UBE2R2: variants seen among roughly 807,000 people sequenced by gnomAD.
UBE2R2 encodes the protein ubiquitin conjugating enzyme E2 R2.
UBE2R2 carries 1 observed loss-of-function variant against 27.8 expected under a neutral mutation model. The observed-to-expected ratio is 0.04, with a 90% confidence interval of 0.01 to 0.17. The LOEUF is 0.17. Ranked by LOEUF, UBE2R2 falls within the 10% of genes least tolerant of loss-of-function variation. The probability of loss-of-function intolerance (pLI) is 1.00; values close to 1 mark genes in which losing one functional copy is unlikely to be tolerated. For missense variants in UBE2R2, 100 were observed against 291.0 expected (o/e 0.34, Z 4.78); for synonymous variants, 106 against 113.3 (o/e 0.94, Z 0.41).
At chr9:33,891,464 A>G (rs1431790197) in intron 2 of UBE2R2, among the ~76,000 whole-genome samples, 5 of 152,064 alleles carry the variant, frequency 3.3e-5, no homozygotes, top group Middle Eastern at 3.4e-3. Context: ...TGGCCAACTC[A>G]GTGAAATCCC....
At chr9:33,910,828 T>A (rs1196167330) in intron 3 of UBE2R2, among the ~76,000 whole-genome samples, 4 of 152,134 alleles carry the variant, frequency 2.6e-5, no homozygotes, top group Admixed American at 6.5e-5. Flanking sequence ...TAGGGCCAGG[T>A]GCGGTGGCTC....
Position 33,894,744 on chromosome 9 carries a change from A to T in UBE2R2, c.265-5430A>T, listed in dbSNP as rs190766681. Among the ~76,000 whole-genome samples the T allele has an allele frequency of 1.3e-3, 205 of 152,348 alleles. 1 individual carries two copies. The highest frequency in any genetic ancestry group is 0.013 in the East Asian group (69 of 5,192). ...ACTCCATCACTATAAAAAAAATTTTAAAATTGTCCAGGTTTGCTGGCTGTT... is the reference window on the plus strand; with the variant it reads ...ACTCCATCACTATAAAAAAAATTTTTAAATTGTCCAGGTTTGCTGGCTGTT... On this transcript the variant is annotated intron_variant, in intron 2 of 4. Coordinates refer to ENST00000263228, the MANE Select transcript of UBE2R2 (RefSeq NM_017811.4).
At chr9:33,852,049 G>A (rs1043274944) in intron 1 of UBE2R2, among the ~76,000 whole-genome samples, 9 of 152,026 alleles carry the variant, frequency 5.9e-5, no homozygotes, top group Non-Finnish European at 1.2e-4. Context: ...CAGTGGCTCA[G>A]GCCTGTAATC....
At chr9:33,869,798 A>G (rs938301122) in intron 1 of UBE2R2, among the ~76,000 whole-genome samples, 3 of 151,758 alleles carry the variant, frequency 2.0e-5, no homozygotes, top group East Asian at 3.9e-4. Context: ...TTTAGGGTAC[A>G]TCTTTGCCTA....
At chr9:33,819,446 C>T (rs576279400) in intron 1 of UBE2R2, among the ~76,000 whole-genome samples, 1 of 152,280 alleles carries the variant, frequency 6.6e-6, no homozygotes, top group Admixed American at 6.5e-5. Flanking sequence ...TGTTAGGCTT[C>T]ATCTTTTGTG....
intron 1 of UBE2R2, among the ~76,000 whole-genome samples, chr9:33,854,322 A>ATT (rs536826500): frequency 7.0e-6 from 1 of 143,756 alleles, no homozygotes; most frequent in African/African-American, 2.5e-5. Context: ...ATTGTTGAGA[A>ATT]TTTTTTTTTT....
At chr9:33,820,243 A>G (rs1825955625) in intron 1 of UBE2R2, among the ~76,000 whole-genome samples, 1 of 152,242 alleles carries the variant, frequency 6.6e-6, no homozygotes, top group Non-Finnish European at 1.5e-5. Context: ...CCTTGTGTTA[A>G]TACACTGATT....
chr9:33,852,979 G>C (rs2130755689), intron 1 of UBE2R2, among the ~76,000 whole-genome samples: 1 of 152,188 alleles, frequency 6.6e-6, no homozygotes, highest in East Asian at 1.9e-4. Context: ...CTGCACTCCA[G>C]CCTAGGCAAC....
At chr9:33,851,337 C>T (rs979149330) in intron 1 of UBE2R2, among the ~76,000 whole-genome samples, 1 of 152,132 alleles carries the variant, frequency 6.6e-6, no homozygotes. Flanking sequence ...TTATTATCAA[C>T]AATTATGAAG....
intron 1 of UBE2R2, among the ~76,000 whole-genome samples, chr9:33,838,513 T>C (rs1449116525): frequency 6.6e-6 from 1 of 152,202 alleles, no homozygotes; most frequent in East Asian, 1.9e-4. Context: ...TTAATAGTTT[T>C]TTTTTAAATT....
rs200206743 is a variant in UBE2R2 at position 33,818,948 on chromosome 9, A to AT, written c.177+1023dup. On this transcript the variant is annotated intron_variant, in intron 1 of 4. Coordinates refer to ENST00000263228, the MANE Select transcript of UBE2R2 (RefSeq NM_017811.4). The stretch of plus-strand genomic sequence containing the variant: ...GTGGTTATCATTCCAGAATCTAATG[A>AT]TTTTTTTTTAACTCCAAGGTAGTTA... Among the ~76,000 whole-genome samples the AT allele has an allele frequency of 4.2e-3, 631 of 151,186 alleles. 2 individuals carry two copies. The highest frequency in any genetic ancestry group is 0.014 in the African/African-American group (580 of 41,192).
chr9:33,818,993 T>G (rs1201510475), intron 1 of UBE2R2, among the ~76,000 whole-genome samples: 1 of 152,114 alleles, frequency 6.6e-6, no homozygotes, highest in East Asian at 1.9e-4. Flanking sequence ...TAATGAGTGT[T>G]TGTTTTGTTT....
At chr9:33,822,097 T>TA (rs1187183100) in intron 1 of UBE2R2, among the ~76,000 whole-genome samples, 5,200 of 95,804 alleles carry the variant, frequency 0.054, 176 homozygotes, top group African/African-American at 0.11. Flanking sequence ...TATATATATA[T>TA]TTTTTTTTTT....
intron 1 of UBE2R2, among the ~76,000 whole-genome samples, chr9:33,820,950 A>C (rs1825971828): frequency 6.6e-6 from 1 of 152,128 alleles, no homozygotes; most frequent in Admixed American, 6.6e-5. Flanking sequence ...CGTGATTCTT[A>C]GTTTTGGGCC....
At chr9:33,910,165 G>A (rs1166672487) in intron 3 of UBE2R2, among the ~76,000 whole-genome samples, 1 of 152,084 alleles carries the variant, frequency 6.6e-6, no homozygotes, top group Non-Finnish European at 1.5e-5. Context: ...TTATTTTTGA[G>A]ATGGAGTCTT....
chr9:33,841,408 C>G (rs1820730416), intron 1 of UBE2R2, among the ~76,000 whole-genome samples: 1 of 152,120 alleles, frequency 6.6e-6, no homozygotes, highest in African/African-American at 2.4e-5. Context: ...GGAGCTTCTT[C>G]AAGTTGACTC....
Position 33,842,489 on chromosome 9 carries a change from G to C in UBE2R2, c.177+24555G>C, listed in dbSNP as rs187180439. Among the ~76,000 whole-genome samples, 9 of 152,164 alleles carry C rather than the reference G, an allele frequency of 5.9e-5. No homozygotes were observed. The East Asian group carries it at 1.5e-3, about 26-fold the overall frequency. ...GGTAATGCAGGTCTCATTAAGAATT[G>C]AATTAATTTTGGAGGGATGGATAAT... On this transcript the variant is annotated intron_variant, in intron 1 of 4. Transcript: ENST00000263228.
At chr9:33,916,059 G>A (rs571088327) in intron 4 of UBE2R2, among the ~76,000 whole-genome samples, 1 of 152,288 alleles carries the variant, frequency 6.6e-6, no homozygotes, top group Non-Finnish European at 1.5e-5. Context: ...AGTGGGTCAT[G>A]TGGCCGGGTG....
At chr9:33,820,098 CAA>C (rs977046385) in intron 1 of UBE2R2, among the ~76,000 whole-genome samples, 2 of 152,192 alleles carry the variant, frequency 1.3e-5, no homozygotes, top group South Asian at 2.1e-4. Flanking sequence ...AAGTTAAAAA[CAA>C]GAGCAAACAA....
Sources: gnomAD v4.1 joint callset for allele counts (sites outside exome capture counted in the v4.1 genomes callset) on GRCh38, gnomAD v4.1.1 for gene constraint, MANE v1.5 for transcripts, NCBI Gene and HGNC (gene_info 2026-07-23, HGNC 2026-07-21) for gene names.